The following NXPH1 variants were observed in gnomAD, a reference collection of about 807,000 sequenced individuals.
The protein encoded by NXPH1 is neurexophilin-1.
A neutral mutation model predicts 23.7 loss-of-function variants in NXPH1; 5 were observed. The ratio of observed to expected loss-of-function variants is 0.21; its 90% confidence interval spans 0.11 to 0.44. The LOEUF is 0.44. NXPH1 is among the 20% of genes least tolerant of loss of function. The pLI, the probability that NXPH1 is intolerant of heterozygous loss-of-function variation, is 0.99. For synonymous variants in NXPH1, 144 were observed against 122.2 expected (o/e 1.18, Z -1.18); for missense variants, 324 against 321.6 (o/e 1.01, Z -0.06).
intron 2 of NXPH1, among the ~76,000 whole-genome samples, chr7:8,628,304 C>T (rs983792488): frequency 1.3e-5 from 2 of 150,552 alleles, no homozygotes; most frequent in Non-Finnish European, 2.9e-5. Flanking sequence ...CAGTGAAATT[C>T]TACACAGTAA....
chr7:8,690,895 T>C (rs1337942484), intron 2 of NXPH1, among the ~76,000 whole-genome samples: 4 of 152,208 alleles, frequency 2.6e-5, no homozygotes, highest in African/African-American at 7.2e-5. Flanking sequence ...CTTTGATGTA[T>C]CCATTTGTTC....
chr7:8,705,258 T>C (rs1472022363), intron 2 of NXPH1, among the ~76,000 whole-genome samples: 3 of 152,120 alleles, frequency 2.0e-5, no homozygotes, highest in Admixed American at 2.0e-4. Context: ...CCTTAGTGGG[T>C]CCATGGACCC....
At chr7:8,678,948 T>TG (rs1821004598) in intron 2 of NXPH1, among the ~76,000 whole-genome samples, 1 of 85,958 alleles carries the variant, frequency 1.2e-5, no homozygotes, top group African/African-American at 3.6e-5. Context: ...TTTTTTTTTT[T>TG]TTTTTTTTTT....
intron 2 of NXPH1, among the ~76,000 whole-genome samples, chr7:8,542,302 A>T (rs1040381889): frequency 6.6e-6 from 1 of 151,618 alleles, no homozygotes; most frequent in Non-Finnish European, 1.5e-5. Flanking sequence ...ATAAGCATTT[A>T]TGTATCTAAT....
At chr7:8,696,840 C>CAAAAAAAAA (rs3059126) in intron 2 of NXPH1, among the ~76,000 whole-genome samples, 15 of 96,966 alleles carry the variant, frequency 1.5e-4, no homozygotes, top group Non-Finnish European at 2.4e-4. Context: ...GACTCCCTCT[C>CAAAAAAAAA]AAAAAAAAAA....
intron 2 of NXPH1, among the ~76,000 whole-genome samples, chr7:8,743,507 T>C (rs1196598116): frequency 6.6e-6 from 1 of 152,114 alleles, no homozygotes; most frequent in African/African-American, 2.4e-5. Flanking sequence ...AGTCGAGAAG[T>C]GGTTTATTCC....
At chr7:8,650,609 C>T (rs547808667) in intron 2 of NXPH1, among the ~76,000 whole-genome samples, 1 of 152,292 alleles carries the variant, frequency 6.6e-6, no homozygotes, top group South Asian at 2.1e-4. Flanking sequence ...TTTTATTTTT[C>T]AAAATACTTG....
intron 2 of NXPH1, among the ~76,000 whole-genome samples, chr7:8,690,925 C>T (rs1049559256): frequency 9.2e-5 from 14 of 152,130 alleles, no homozygotes; most frequent in African/African-American, 2.9e-4. Context: ...TGCACTGCTC[C>T]TTTGCCATTC....
At chr7:8,728,734 T>G (rs1416578842) in intron 2 of NXPH1, among the ~76,000 whole-genome samples, 6 of 152,142 alleles carry the variant, frequency 3.9e-5, no homozygotes, top group Admixed American at 2.0e-4. Context: ...TGCTGGATTC[T>G]GTTTGCCAGT....
intron 2 of NXPH1, among the ~76,000 whole-genome samples, chr7:8,731,325 C>T (rs767821802): frequency 1.3e-5 from 2 of 152,166 alleles, no homozygotes; most frequent in African/African-American, 2.4e-5. Context: ...TCGTCTGAAG[C>T]CTTCTTCTCT....
intron 2 of NXPH1, among the ~76,000 whole-genome samples, chr7:8,513,708 A>G (rs1246334642): frequency 6.6e-6 from 1 of 152,002 alleles, no homozygotes; most frequent in Non-Finnish European, 1.5e-5. Flanking sequence ...AGTCATCTGA[A>G]CCTCTTGAAT....
chr7:8,743,752 T>C (rs1478412312), intron 2 of NXPH1, among the ~76,000 whole-genome samples: 1 of 151,546 alleles, frequency 6.6e-6, no homozygotes, highest in Non-Finnish European at 1.5e-5. Context: ...GGCGTGATCT[T>C]GGTTCACTGC....
intron 2 of NXPH1, among the ~76,000 whole-genome samples, chr7:8,436,444 G>A (rs904792513): frequency 6.6e-6 from 1 of 152,206 alleles, no homozygotes; most frequent in African/African-American, 2.4e-5. Flanking sequence ...CTTGTCGCCA[G>A]GGAGAGAATT....
intron 2 of NXPH1, among the ~76,000 whole-genome samples, chr7:8,523,855 C>G (rs1817816660): frequency 6.6e-6 from 1 of 152,102 alleles, no homozygotes; most frequent in African/African-American, 2.4e-5. Flanking sequence ...CTGTCCTTCC[C>G]CACTAACCAT....
chr7:8,660,648 C>A (rs1033015115), intron 2 of NXPH1, among the ~76,000 whole-genome samples: 1 of 152,068 alleles, frequency 6.6e-6, no homozygotes, highest in African/African-American at 2.4e-5. Flanking sequence ...AAACTGAAAT[C>A]CTTTGTCATA....
chr7:8,548,419 C>G (rs1036773118), intron 2 of NXPH1, among the ~76,000 whole-genome samples: 4 of 151,522 alleles, frequency 2.6e-5, no homozygotes, highest in African/African-American at 9.7e-5. Flanking sequence ...AATGTGACAG[C>G]CACTATTAGG....
intron 2 of NXPH1, among the ~76,000 whole-genome samples, chr7:8,494,260 T>C (rs1251849292): frequency 6.6e-6 from 1 of 152,034 alleles, no homozygotes; most frequent in Non-Finnish European, 1.5e-5. Flanking sequence ...TTTTTATTCC[T>C]GCAGAGGAAA....
At chr7:8,694,191 G>A (rs967459428) in intron 2 of NXPH1, among the ~76,000 whole-genome samples, 2 of 152,130 alleles carry the variant, frequency 1.3e-5, no homozygotes, top group Non-Finnish European at 2.9e-5. Context: ...CAAGCTGCAT[G>A]TCATGAAAGT....
At chr7:8,538,181 T>C (rs189601790) in intron 2 of NXPH1, among the ~76,000 whole-genome samples, 2 of 152,046 alleles carry the variant, frequency 1.3e-5, no homozygotes, top group Admixed American at 1.3e-4. Flanking sequence ...ATATTGATTC[T>C]CACAGTGGTT....
Sources: gnomAD v4.1 joint callset for allele counts (sites outside exome capture counted in the v4.1 genomes callset) on GRCh38, gnomAD v4.1.1 for gene constraint, MANE v1.5 for transcripts, NCBI Gene and HGNC (gene_info 2026-07-23, HGNC 2026-07-21) for gene names.